Variants in RNLS observed in about 807,000 individuals in gnomAD.
The protein encoded by RNLS is renalase, FAD dependent amine oxidase, also known as renalase.
Under a neutral mutation model 39.8 loss-of-function variants are expected in RNLS, and 39 were observed. That is an observed-to-expected ratio of 0.98 (90% CI 0.76 to 1.28). The LOEUF is 1.28. Ranked by LOEUF, RNLS falls within the 50% of genes most tolerant of loss-of-function variation. The pLI, the probability that RNLS is intolerant of heterozygous loss-of-function variation, is 0.00. For missense variants in RNLS, 410 were observed against 413.3 expected (o/e 0.99, Z 0.07); for synonymous variants, 147 against 150.7 (o/e 0.98, Z 0.18).
At chr10:88,210,876 G>C in the RNLS span, among the ~76,000 whole-genome samples, 1 of 152,132 alleles carries the variant, frequency 6.6e-6, no homozygotes, top group Admixed American at 6.6e-5. Context: ...GAGTGTGTCT[G>C]GGTGAGGCGA....
At chr10:88,298,887 C>T (rs981340531) in intron 6 of RNLS, among the ~76,000 whole-genome samples, 3 of 152,060 alleles carry the variant, frequency 2.0e-5, no homozygotes, top group South Asian at 2.1e-4. Context: ...GAGCCTGAAA[C>T]GAGTCTGTAG....
chr10:88,193,479 T>G, the RNLS span, among the ~76,000 whole-genome samples: 1 of 152,068 alleles, frequency 6.6e-6, no homozygotes, highest in Non-Finnish European at 1.5e-5. Context: ...GGGACCACTA[T>G]CCCCACCCCA....
chr10:88,232,454 T>C, the RNLS span, among the ~76,000 whole-genome samples: 61 of 152,320 alleles, frequency 4.0e-4, no homozygotes, highest in African/African-American at 1.4e-3. Context: ...CTACATCTTT[T>C]TCTTTTTTTA....
chr10:88,267,949 A>G, the RNLS span, among the ~76,000 whole-genome samples: 1 of 152,234 alleles, frequency 6.6e-6, no homozygotes, highest in Non-Finnish European at 1.5e-5. Flanking sequence ...ATTAAATTCT[A>G]CAGCCTTATA....
the RNLS span, among the ~76,000 whole-genome samples, chr10:88,205,748 T>C: frequency 1.1e-4 from 17 of 152,142 alleles, no homozygotes; most frequent in African/African-American, 3.6e-4. Context: ...ATCAAATAGA[T>C]ATAATCGTGT....
intron 6 of RNLS, among the ~76,000 whole-genome samples, chr10:88,313,284 G>A (rs1845521224): frequency 6.6e-6 from 1 of 152,150 alleles, no homozygotes; most frequent in Admixed American, 6.5e-5. Context: ...TTTTAAAGAA[G>A]TATTTATAAA....
chr10:88,536,198 A>G (rs977958581), intron 4 of RNLS, among the ~76,000 whole-genome samples: 7 of 152,182 alleles, frequency 4.6e-5, no homozygotes, highest in Non-Finnish European at 1.0e-4. Context: ...TGAAATACCT[A>G]ATGTTTGGAA....
chr10:88,491,196 T>C (rs774450149), intron 4 of RNLS, among the ~76,000 whole-genome samples: 7 of 152,196 alleles, frequency 4.6e-5, no homozygotes, highest in Non-Finnish European at 7.3e-5. Context: ...CCTCACACTC[T>C]AGGTTTCTTT....
intron 4 of RNLS, among the ~76,000 whole-genome samples, chr10:88,564,392 A>G (rs1849374446): frequency 6.6e-6 from 1 of 151,994 alleles, no homozygotes; most frequent in African/African-American, 2.4e-5. Context: ...CTCTTGCAGG[A>G]TCTTAAGGTG....
intron 4 of RNLS, among the ~76,000 whole-genome samples, chr10:88,523,386 A>G (rs1287848436): frequency 3.3e-5 from 5 of 152,154 alleles, no homozygotes; most frequent in African/African-American, 9.7e-5. Flanking sequence ...GCATTTATAG[A>G]CTTTTTGAAA....
At chr10:88,189,968 A>G in the RNLS span, among the ~76,000 whole-genome samples, 1 of 152,180 alleles carries the variant, frequency 6.6e-6, no homozygotes, top group African/African-American at 2.4e-5. Context: ...AAATGTCATA[A>G]CCAGAACCAT....
chr10:88,317,908 G>A (rs1564689433), intron 5 of RNLS, among the ~76,000 whole-genome samples: 1 of 152,186 alleles, frequency 6.6e-6, no homozygotes, highest in Non-Finnish European at 1.5e-5. Flanking sequence ...GTGCTTCTCT[G>A]CTCCCTTCAC....
At chr10:88,402,815 A>G (rs1192261442) in intron 4 of RNLS, among the ~76,000 whole-genome samples, 3 of 152,072 alleles carry the variant, frequency 2.0e-5, no homozygotes, top group Non-Finnish European at 4.4e-5. Context: ...TGAGATATTG[A>G]CAAAAGTACT....
At chr10:88,267,723 C>A in the RNLS span, among the ~76,000 whole-genome samples, 5 of 152,148 alleles carry the variant, frequency 3.3e-5, no homozygotes, top group Non-Finnish European at 5.9e-5. Context: ...CAGACCTTCC[C>A]ATTTTGAGTT....
intron 4 of RNLS, among the ~76,000 whole-genome samples, chr10:88,546,962 C>T: frequency 6.7e-6 from 1 of 150,340 alleles, no homozygotes; most frequent in African/African-American, 2.4e-5. Flanking sequence ...CAGGGGAAAA[C>T]ATTATAGAAA....
the RNLS span, among the ~76,000 whole-genome samples, chr10:88,235,136 C>T: frequency 1.2e-4 from 18 of 151,638 alleles, no homozygotes; most frequent in South Asian, 1.3e-3. Flanking sequence ...GGGGTGGTGG[C>T]GGGTGCCTGT....
intron 4 of RNLS, among the ~76,000 whole-genome samples, chr10:88,571,139 T>G (rs1849808315): frequency 6.6e-6 from 1 of 151,962 alleles, no homozygotes; most frequent in Admixed American, 6.6e-5. Flanking sequence ...CATACCACTA[T>G]GCTTTGCTAC....
At chr10:88,509,015 G>T (rs937350623) in intron 4 of RNLS, among the ~76,000 whole-genome samples, 16 of 151,960 alleles carry the variant, frequency 1.1e-4, no homozygotes, top group East Asian at 5.8e-4. Flanking sequence ...TGGTGGGGGT[G>T]GGGGGGCTGG....
At chr10:88,301,327 T>C (rs1487530673) in intron 6 of RNLS, among the ~76,000 whole-genome samples, 1 of 152,120 alleles carries the variant, frequency 6.6e-6, no homozygotes, top group Non-Finnish European at 1.5e-5. Flanking sequence ...CATAATAAAC[T>C]GAAACAAGTG....
Sources: gnomAD v4.1 joint callset for allele counts (sites outside exome capture counted in the v4.1 genomes callset) on GRCh38, gnomAD v4.1.1 for gene constraint, MANE v1.5 for transcripts, NCBI Gene and HGNC (gene_info 2026-07-23, HGNC 2026-07-21) for gene names.